Variants in GRIK1 observed in about 807,000 individuals in gnomAD.
GRIK1 encodes the protein glutamate ionotropic receptor kainate type subunit 1, also known as glutamate receptor ionotropic, kainate 1.
In GRIK1, 69 loss-of-function variants were observed where a neutral mutation model predicts 105.7. The observed-to-expected ratio is 0.65, with a 90% CI of 0.54 to 0.80. The LOEUF is 0.80. Ranked by LOEUF, GRIK1 falls within the 30% of genes least tolerant of loss-of-function variation. GRIK1 has a pLI of 0.00. For synonymous variants in GRIK1, 438 were observed against 431.3 expected (o/e 1.02, Z -0.19); for missense variants, 1,109 against 1,167.3 (o/e 0.95, Z 0.73).
chr21:29,759,972 A>G (rs1384015900), intron 1 of GRIK1: 1 of 152,202 alleles, frequency 6.6e-6, no homozygotes, highest in Non-Finnish European at 1.5e-5. Flanking sequence ...AAAGATTGCT[A>G]CCATTTATTG....
intron 1 of GRIK1, among the ~76,000 whole-genome samples, chr21:29,722,101 G>A (rs2064337062): frequency 6.6e-6 from 1 of 152,044 alleles, no homozygotes; most frequent in African/African-American, 2.4e-5. Flanking sequence ...TCTGACCTTG[G>A]AAGAGCTTGA....
At chr21:29,799,470 ACTCCAGAGC>A (rs1340822532) in intron 1 of GRIK1, among the ~76,000 whole-genome samples, 2 of 151,822 alleles carry the variant, frequency 1.3e-5, no homozygotes, top group Admixed American at 1.3e-4. Flanking sequence ...GCTGTATCTC[ACTCCAGAGC>A]CCCAGAGCCC....
chr21:29,736,396 C>CT (rs2064792237), intron 1 of GRIK1, among the ~76,000 whole-genome samples: 1 of 151,904 alleles, frequency 6.6e-6, no homozygotes. Flanking sequence ...ACCTGGCTAA[C>CT]TTTTTTTATA....
chr21:29,787,755 A>G lies in GRIK1; in HGVS notation c.119-93692T>C, dbSNP rs147432080. Among the ~76,000 whole-genome samples the G allele has an allele frequency of 5.8e-4, 88 of 152,350 alleles. 1 individual carries two copies. The East Asian group carries it at 0.016, about 28-fold the overall frequency. On this transcript the variant is annotated intron_variant, in intron 1 of 17. Coordinates refer to ENST00000327783, the MANE Select transcript of GRIK1 (RefSeq NM_001330994.2). Reference sequence around the variant, plus strand: ...GTTAGGTCCATTCCAGTGTGATGCAACAGACATTTTTTGGTAGAACGCCAG... The same window carrying G: ...GTTAGGTCCATTCCAGTGTGATGCAGCAGACATTTTTTGGTAGAACGCCAG...
At chr21:29,925,203 G>A (rs1356909901) in intron 1 of GRIK1, among the ~76,000 whole-genome samples, 1 of 152,146 alleles carries the variant, frequency 6.6e-6, no homozygotes, top group Non-Finnish European at 1.5e-5. Flanking sequence ...CCCTTATCAG[G>A]ATCACAGGAT....
chr21:29,732,130 C>T (rs1441724423), intron 1 of GRIK1, among the ~76,000 whole-genome samples: 1 of 152,128 alleles, frequency 6.6e-6, no homozygotes, highest in African/African-American at 2.4e-5. Flanking sequence ...ATTTAAACTG[C>T]GTTTGGATTT....
intron 14 of GRIK1, among the ~76,000 whole-genome samples, chr21:29,564,292 C>T (rs1159696872): frequency 1.1e-4 from 16 of 151,308 alleles, no homozygotes; most frequent in African/African-American, 2.7e-4. Flanking sequence ...GGACTACAGG[C>T]GCCCGCCACT....
chr21:29,610,749 A>G (rs1200957807), intron 7 of GRIK1, among the ~76,000 whole-genome samples: 1 of 152,208 alleles, frequency 6.6e-6, no homozygotes, highest in Non-Finnish European at 1.5e-5. Context: ...TTCACCTAAA[A>G]AGCAATAGGA....
At chr21:29,555,753 G>C (rs1354019283) in intron 15 of GRIK1, among the ~76,000 whole-genome samples, 1 of 152,190 alleles carries the variant, frequency 6.6e-6, no homozygotes, top group Non-Finnish European at 1.5e-5. Flanking sequence ...AGGTCAGACA[G>C]AGCAGTCTAT....
intron 1 of GRIK1, among the ~76,000 whole-genome samples, chr21:29,698,781 C>A (rs1193185975): frequency 2.0e-5 from 3 of 152,032 alleles, no homozygotes; most frequent in Non-Finnish European, 2.9e-5. Flanking sequence ...ACCTCACCCA[C>A]CATTGTCGAA....
At chr21:29,830,849 A>T (rs1013475821) in intron 1 of GRIK1, among the ~76,000 whole-genome samples, 1 of 152,164 alleles carries the variant, frequency 6.6e-6, no homozygotes, top group South Asian at 2.1e-4. Flanking sequence ...TCCAATAAAG[A>T]TGAAAATGTA....
At chr21:29,640,498 A>T (rs1892649) in intron 7 of GRIK1, among the ~76,000 whole-genome samples, 28,072 of 152,028 alleles carry the variant, frequency 0.18, 3,817 homozygotes, top group African/African-American at 0.38. Flanking sequence ...CCCTTCCTGT[A>T]ACCCCTAACT....
At chr21:29,629,593 G>A (rs1158662364) in intron 7 of GRIK1, among the ~76,000 whole-genome samples, 2 of 151,688 alleles carry the variant, frequency 1.3e-5, no homozygotes, top group Non-Finnish European at 2.9e-5. Flanking sequence ...AGGTTCAAGC[G>A]ATTCTCCTGC....
At chr21:29,921,091 T>C (rs465555) in intron 1 of GRIK1, among the ~76,000 whole-genome samples, 45,950 of 151,882 alleles carry the variant, frequency 0.3, 10,071 homozygotes, top group African/African-American at 0.62. Flanking sequence ...CTGTGCATTG[T>C]ATGATGTCTA....
chr21:29,734,547 G>A (rs948919383), intron 1 of GRIK1, among the ~76,000 whole-genome samples: 3 of 151,738 alleles, frequency 2.0e-5, no homozygotes, highest in Admixed American at 1.3e-4. Flanking sequence ...CTATAGCCAC[G>A]TGACACCATG....
chr21:29,888,358 G>T (rs2069756533), intron 1 of GRIK1, among the ~76,000 whole-genome samples: 1 of 149,662 alleles, frequency 6.7e-6, no homozygotes, highest in African/African-American at 2.5e-5. Context: ...TTGACCTCCT[G>T]GGTTCAAGAG....
At chr21:29,914,023 T>C (rs1176489007) in intron 1 of GRIK1, among the ~76,000 whole-genome samples, 2 of 152,054 alleles carry the variant, frequency 1.3e-5, no homozygotes, top group South Asian at 2.1e-4. Flanking sequence ...TATTGTTTAG[T>C]TTATGGCAGG....
chr21:29,625,172 C>G (rs150807113), intron 7 of GRIK1, among the ~76,000 whole-genome samples: 2 of 152,164 alleles, frequency 1.3e-5, no homozygotes, highest in African/African-American at 4.8e-5. Context: ...ATATACCTCA[C>G]GCCATTGGTT....
rs1327766150 is a variant in GRIK1 at position 29,788,540 on chromosome 21, T to G, written c.119-94477A>C. 2.0e-5 allele frequency among the ~76,000 whole-genome samples: 3 copies of G among 152,172 alleles called. No individual in the cohort carries two copies. In the East Asian group the frequency reaches 5.8e-4, roughly 29 times the overall value. On this transcript the variant is annotated intron_variant, in intron 1 of 17. Transcript: ENST00000327783. ...GCCCTTTTGGCACCAGGGACTAGTTTTGTGGAAGATAATTTTTGCATGGAC... is the reference window on the plus strand; with the variant it reads ...GCCCTTTTGGCACCAGGGACTAGTTGTGTGGAAGATAATTTTTGCATGGAC...
Sources: gnomAD v4.1 joint callset for allele counts (sites outside exome capture counted in the v4.1 genomes callset) on GRCh38, gnomAD v4.1.1 for gene constraint, MANE v1.5 for transcripts, NCBI Gene and HGNC (gene_info 2026-07-23, HGNC 2026-07-21) for gene names.